EMB: variants seen among roughly 807,000 people sequenced by gnomAD.
EMB encodes the protein embigin homolog.
EMB carries 31 observed loss-of-function variants against 41.4 expected under a neutral mutation model. That is an observed-to-expected ratio of 0.75 (90% CI 0.56 to 1.01). The LOEUF (loss-of-function observed/expected upper bound fraction) is 1.01, where lower values mean the gene tolerates loss of function less well. EMB is among the 50% of genes least tolerant of loss of function. The probability of loss-of-function intolerance (pLI) is 0.00; values close to 1 mark genes in which losing one functional copy is unlikely to be tolerated. For synonymous variants in EMB, 137 were observed against 140.4 expected (o/e 0.98, Z 0.17); for missense variants, 379 against 388.3 (o/e 0.98, Z 0.20).
chr5:50,399,720 A>G (rs1745128932), intron 8 of EMB, 139 bp downstream of exon 8: 3 of 674,636 alleles, frequency 4.4e-6, no homozygotes, highest in African/African-American at 3.7e-5. Flanking sequence ...TTCCCCTATA[A>G]TAGTGTTAAC....
chr5:50,438,576 G>C (rs1345866651), intron 1 of EMB, among the ~76,000 whole-genome samples: 1 of 152,124 alleles, frequency 6.6e-6, no homozygotes, highest in African/African-American at 2.4e-5. Context: ...TAGGTTAACA[G>C]ACAACCTGTG....
rs760886258 is a variant in EMB at position 50,397,044 on chromosome 5, T to C, written c.*2229A>G. On this transcript the variant is annotated 3_prime_UTR_variant, in exon 9 of 9. Coordinates refer to ENST00000303221, the MANE Select transcript of EMB (RefSeq NM_198449.3). The stretch of plus-strand genomic sequence containing the variant: ...GAAAGTATCTGGGAATTTTATGCCA[T>C]CATTAAATCTACTTATTATGCTGAA... The C allele has an allele frequency of 1.3e-5, 2 of 152,146 alleles. No homozygotes were observed. Among genetic ancestry groups the C allele is most frequent in the Non-Finnish European group, 2.9e-5 (2 of 68,010 alleles). The allele number at this position is 152,146 out of a possible 1,614,324, so 9.4% of individuals were successfully genotyped here.
chr5:50,429,017 T>C (rs1745669433), intron 1 of EMB, among the ~76,000 whole-genome samples: 1 of 152,164 alleles, frequency 6.6e-6, no homozygotes, highest in Non-Finnish European at 1.5e-5. Flanking sequence ...TGCCTCAGCC[T>C]CCCGAGTAGC....
chr5:50,397,120 A>G lies in EMB; in HGVS notation c.*2153T>C, dbSNP rs1453023144. Reference sequence around the variant, plus strand: ...GAGAATTCCCCAAGGTGCCTAATATATAAACTTGGAGTAGTTTTCCTACTT... The same window carrying G: ...GAGAATTCCCCAAGGTGCCTAATATGTAAACTTGGAGTAGTTTTCCTACTT... On this transcript the variant is annotated 3_prime_UTR_variant, in exon 9 of 9. Coordinates refer to ENST00000303221, the MANE Select transcript of EMB (RefSeq NM_198449.3). 1 of 152,136 alleles carries G rather than the reference A, an allele frequency of 6.6e-6. No homozygotes were observed. The highest frequency in any genetic ancestry group is 1.5e-5 in the Non-Finnish European group (1 of 68,018). 9.4% of individuals were successfully genotyped at this position (152,136 alleles called of 1,614,324 possible).
chr5:50,407,774 G>A (rs7712849), intron 4 of EMB, among the ~76,000 whole-genome samples: 1 of 151,728 alleles, frequency 6.6e-6, no homozygotes, highest in Non-Finnish European at 1.5e-5. Flanking sequence ...TTTGCATAAA[G>A]TAGGATGCAT....
chr5:50,409,563 AAG>A (rs1173071673), intron 4 of EMB, among the ~76,000 whole-genome samples: 4 of 151,832 alleles, frequency 2.6e-5, no homozygotes, highest in Admixed American at 2.6e-4. Context: ...TGGGAAGAAA[AAG>A]AGAAAGGGAG....
intron 1 of EMB, among the ~76,000 whole-genome samples, chr5:50,430,188 A>C (rs927292604): frequency 6.6e-6 from 1 of 152,212 alleles, no homozygotes; most frequent in African/African-American, 2.4e-5. Flanking sequence ...ATGGACAGGA[A>C]GCCAGGCGGG....
rs1453797757 is a variant in EMB, at chr5:50,398,660, A to G, written c.*613T>C. 2 of 152,104 alleles carry G rather than the reference A, an allele frequency of 1.3e-5. No homozygotes were observed. Among genetic ancestry groups the G allele is most frequent in the Non-Finnish European group, 2.9e-5 (2 of 67,974 alleles). 9.4% of individuals were successfully genotyped at this position (152,104 alleles called of 1,614,324 possible). A position where few individuals can be genotyped will look rare whatever the true frequency, so the allele number is the denominator to read the frequency against. ...TTGCTTTTGTAGTGCAGAGCTTTAG[A>G]GCAAGCACAGTTTTATTTATTTGCC... On this transcript the variant is annotated 3_prime_UTR_variant, in exon 9 of 9. Coordinates refer to ENST00000303221, the MANE Select transcript of EMB (RefSeq NM_198449.3).
Position 50,428,205 on chromosome 5 carries a change from A to T in EMB, c.135T>A (p.Pro45=). The T allele has an allele frequency of 1.2e-6, 2 of 1,611,972 alleles. No individual in the cohort carries two copies. The highest frequency in any genetic ancestry group is 2.2e-5 in the South Asian group (2 of 91,020). The stretch of plus-strand genomic sequence containing the variant: ...TATTTGCCATTATTTCTTCTCTGAG[A>T]GGTGGACTTGTAAAAGGCGAATCTA... ...SAPDSPFTSP[P]LREEIMANNF... is the part of the protein sequence containing the mutation. Residue 45 remains proline, a synonymous_variant, in exon 2 of 9, where the codon CCT becomes CCA. Transcript: ENST00000303221.
Position 50,398,939 on chromosome 5 carries a change from T to C in EMB, c.*334A>G. 5.5e-6 allele frequency: 1 copy of C among 181,906 alleles called. No homozygotes were observed. The highest frequency in any genetic ancestry group is 1.1e-5 in the Non-Finnish European group (1 of 86,994). The allele number at this position is 181,906 out of a possible 1,614,324, so 11.3% of individuals were successfully genotyped here. A position where few individuals can be genotyped will look rare whatever the true frequency, so the allele number is the denominator to read the frequency against. On this transcript the variant is annotated 3_prime_UTR_variant, in exon 9 of 9. Coordinates refer to ENST00000303221, the MANE Select transcript of EMB (RefSeq NM_198449.3). ...TTCTTTTTCATGAATTCTTTGGTTA[T>C]AAACAGGTTTTGAGTGATTTTTGTT...
rs1745562769 is a variant in EMB at position 50,423,672 on chromosome 5, G to A, written c.196+4472C>T. ...ACAGAGGGTTTTTCATTGCTTTCCT[G>A]TGGAAGTACTACCTGCCAGGGTCAT... On this transcript the variant is annotated intron_variant, in intron 2 of 8. Transcript: ENST00000303221. Among the ~76,000 whole-genome samples, 3 of 152,116 alleles carry A rather than the reference G, an allele frequency of 2.0e-5. No individual in the cohort carries two copies. The South Asian group carries it at 6.2e-4, about 31-fold the overall frequency.
intron 5 of EMB, among the ~76,000 whole-genome samples, chr5:50,404,677 G>C (rs1745220334): frequency 6.6e-6 from 1 of 151,600 alleles, no homozygotes; most frequent in East Asian, 1.9e-4. Flanking sequence ...TACCATAGTT[G>C]ACATTTGTTT....
At chr5:50,440,976 C>T (rs1310846688) in intron 1 of EMB, 64 bp downstream of exon 1, 2 of 1,180,960 alleles carry the variant, frequency 1.7e-6, no homozygotes, top group Non-Finnish European at 2.2e-6. Context: ...TGCCCTCTGC[C>T]CGCGGGGACC....
intron 1 of EMB, among the ~76,000 whole-genome samples, chr5:50,437,617 T>C (rs889095544): frequency 2.0e-5 from 3 of 151,148 alleles, no homozygotes; most frequent in African/African-American, 7.2e-5. Context: ...GGAACCCCTT[T>C]AAATGTCCTT....
intron 1 of EMB, 190 bp from the exon 2 acceptor site, chr5:50,428,417 G>T: frequency 2.5e-6 from 3 of 1,211,662 alleles, no homozygotes; most frequent in East Asian, 3.4e-5. Context: ...AAAAAATTCT[G>T]ATTTTTTTTC....
At chr5:50,427,508 ATATTAT>A (rs556754287) in intron 2 of EMB, among the ~76,000 whole-genome samples, 5 of 148,648 alleles carry the variant, frequency 3.4e-5, no homozygotes, top group African/African-American at 1.0e-4. Context: ...TATTATTATT[ATATTAT>A]TATTATTATT....
intron 1 of EMB, among the ~76,000 whole-genome samples, chr5:50,440,101 TAC>T (rs1047519439): frequency 6.6e-6 from 1 of 151,888 alleles, no homozygotes; most frequent in Non-Finnish European, 1.5e-5. Context: ...ATCTCACACA[TAC>T]ACACACACAC....
intron 1 of EMB, among the ~76,000 whole-genome samples, chr5:50,436,375 T>C (rs931053239): frequency 6.6e-6 from 1 of 152,174 alleles, no homozygotes; most frequent in African/African-American, 2.4e-5. Flanking sequence ...TCTTCTCTAG[T>C]GAAAAACCTA....
chr5:50,429,671 G>A (rs1348301499), intron 1 of EMB, among the ~76,000 whole-genome samples: 3 of 151,926 alleles, frequency 2.0e-5, no homozygotes, highest in Non-Finnish European at 4.4e-5. Context: ...ATGTATCTCA[G>A]AACTTATAAT....
Sources: allele counts gnomAD v4.1 joint callset (sites outside exome capture counted in the v4.1 genomes callset), GRCh38; gene constraint gnomAD v4.1.1; transcripts MANE v1.5; gene names NCBI Gene and HGNC (gene_info 2026-07-23, HGNC 2026-07-21).